The following RAD9B variants were observed in gnomAD, a reference collection of about 807,000 sequenced individuals.
RAD9B encodes the protein cell cycle checkpoint control protein RAD9B.
In RAD9B, 41 loss-of-function variants were observed where a neutral mutation model predicts 48.3. The ratio of observed to expected loss-of-function variants is 0.85; its 90% CI spans 0.66 to 1.10. The LOEUF is 1.10. Among genes scored for constraint, RAD9B ranks in the 50% least tolerant of loss-of-function variants. RAD9B has a pLI of 0.00. For synonymous variants in RAD9B, 160 were observed against 157.9 expected (o/e 1.01, Z -0.10); for missense variants, 444 against 485.1 (o/e 0.92, Z 0.80).
intron 6 of RAD9B, among the ~76,000 whole-genome samples, chr12:110,518,271 G>C (rs555589467): frequency 1.3e-5 from 2 of 152,120 alleles, no homozygotes; most frequent in East Asian, 1.9e-4. Context: ...GACTGAGGCA[G>C]AGGATCACTT....
At chr12:110,527,259 G>C (rs1181944820) in intron 10 of RAD9B, among the ~76,000 whole-genome samples, 1 of 152,160 alleles carries the variant, frequency 6.6e-6, no homozygotes, top group African/African-American at 2.4e-5. Context: ...TAAGTCTTCT[G>C]TCTCCCTCTT....
intron 10 of RAD9B, among the ~76,000 whole-genome samples, chr12:110,525,765 A>T (rs989019829): frequency 6.6e-6 from 1 of 152,110 alleles, no homozygotes; most frequent in South Asian, 2.1e-4. Flanking sequence ...ATCTTGGCTC[A>T]CTGCAACCTC....
intron 8 of RAD9B, among the ~76,000 whole-genome samples, chr12:110,519,304 A>G (rs1287864075): frequency 6.6e-6 from 1 of 152,002 alleles, no homozygotes; most frequent in African/African-American, 2.4e-5. Flanking sequence ...GGGTTTCACC[A>G]TGTTGGCCAG....
At chr12:110,506,841 T>C (rs1192105788) in intron 4 of RAD9B, 148 bp downstream of exon 4, 2 of 474,246 alleles carry the variant, frequency 4.2e-6, no homozygotes, top group Non-Finnish European at 7.5e-6. Context: ...TGAAGTATTA[T>C]CCTTTTTTTT....
chr12:110,512,825 G>A lies in RAD9B; in HGVS notation c.435G>A (p.Leu145=). 6.5e-7 allele frequency: 1 copy of A among 1,538,092 alleles called. No homozygotes were observed. Among genetic ancestry groups the A allele is most frequent in the East Asian group, 2.3e-5 (1 of 43,562 alleles). The part of the protein sequence containing the change: ...HNICFQESQP[L]QVIFDKNVCT... ...TATGTTTTCAAGAAAGTCAGCCTTT[G>A]CAAGTTATTTTTGACAAGAATGTTT... Residue 145 remains leucine (L), a synonymous_variant, in exon 5 of 11, where the codon TTG becomes TTA. Transcript: ENST00000409300.
chr12:110,530,611 C>T lies in RAD9B; in HGVS notation c.1212C>T (p.Asp404=). ...TCGACAGTCTGGCAAGAGCAAGTGA[C>T]AGTGAAGAGGACATGAATAATGGCA... The part of the protein sequence containing the change: ...HPFDSLARAS[D]SEEDMNNGSF... The change falls in exon 11 of 11, where the codon GAC becomes GAT. Residue 404 remains aspartate, a synonymous_variant. Transcript: ENST00000409300. 1 of 1,613,930 alleles carries T rather than the reference C, an allele frequency of 6.2e-7. No homozygotes were observed. Among genetic ancestry groups the T allele is most frequent in the Non-Finnish European group, 8.5e-7 (1 of 1,179,830 alleles).
rs2064124480 is a variant in RAD9B at position 110,531,120 on chromosome 12, ATTGT to A, written c.*470_*473del. ...TGTAATACCATGGCCTTTTTTGTGC[ATTGT>A]TTTTTATATTTTAAGACTTTAAGTA... On this transcript the variant is annotated 3_prime_UTR_variant, in exon 11 of 11. Coordinates refer to ENST00000409300, the MANE Select transcript of RAD9B (RefSeq NM_001286535.2). 1.0e-6 allele frequency: 1 copy of A among 992,450 alleles called. No homozygotes were observed. Among genetic ancestry groups the A allele is most frequent in the African/African-American group, 1.7e-5 (1 of 57,248 alleles). The allele number at this position is 992,450 out of a possible 1,614,324, so 61.5% of individuals were successfully genotyped here. A position where few individuals can be genotyped will look rare whatever the true frequency, so the allele number is the denominator to read the frequency against.
chr12:110,512,614 C>T (rs2063492699), intron 4 of RAD9B, among the ~76,000 whole-genome samples, 165 bp from the exon 5 acceptor site: 1 of 152,112 alleles, frequency 6.6e-6, no homozygotes, highest in African/African-American at 2.4e-5. Context: ...CACTAGGGAG[C>T]GATAAACACA....
At chr12:110,521,639 C>T (rs1310341826) in intron 9 of RAD9B, among the ~76,000 whole-genome samples, 1 of 150,796 alleles carries the variant, frequency 6.6e-6, no homozygotes, top group Non-Finnish European at 1.5e-5. Flanking sequence ...TCATTGCAAC[C>T]TCCGCCTCCT....
In RAD9B at chr12:110,505,672, C is replaced by G. The variant is rs2063241735; in HGVS notation, c.173C>G (p.Ser58Cys). Reference sequence around the variant, plus strand: ...TCAGCATATGGATGTGTCCTGTTCTCTCCTGTGTTTTTTCAGCATTATCAA... The same window carrying G: ...TCAGCATATGGATGTGTCCTGTTCTGTCCTGTGTTTTTTCAGCATTATCAA... Reference protein sequence around the residue: ...SRSAYGCVLFSPVFFQHYQWS... With the variant: ...SRSAYGCVLFCPVFFQHYQWS... The change falls in exon 3 of 11, where the codon TCT becomes TGT. Residue 58 changes from serine (S) to cysteine (C), a missense_variant. By Grantham distance (112) the Ser-to-Cys change is moderately radical (BLOSUM62 -1). Transcript: ENST00000409300. 3 of 1,588,386 alleles carry G rather than the reference C, an allele frequency of 1.9e-6. No homozygotes were observed. Among genetic ancestry groups the G allele is most frequent in the Non-Finnish European group, 2.6e-6 (3 of 1,166,410 alleles).
intron 6 of RAD9B, among the ~76,000 whole-genome samples, chr12:110,518,248 C>T (rs1277095294): frequency 2.0e-5 from 3 of 150,638 alleles, no homozygotes; most frequent in Non-Finnish European, 4.4e-5. Context: ...CCTGTAGTCC[C>T]GGCTATTCAG....
At position 110,502,491 on chromosome 12, in the gene RAD9B, T is replaced by C; in HGVS notation, c.46+108T>C. ...CCTCTTTGCCTTTTTGCGCAATGAC[T>C]GAGGACGCACGCCCTGGCCACAGCC... is the stretch of plus-strand genomic sequence containing the variant. On this transcript the variant is annotated intron_variant, in intron 1 of 10. Transcript: ENST00000409300. 3 of 1,302,104 alleles carry C rather than the reference T, an allele frequency of 2.3e-6. No individual in the cohort carries two copies. The South Asian group carries it at 3.9e-5, about 17-fold the overall frequency. 80.7% of individuals were successfully genotyped at this position (1,302,104 alleles called of 1,614,324 possible).
intron 6 of RAD9B, among the ~76,000 whole-genome samples, chr12:110,515,498 T>G (rs1454292046): frequency 1.3e-5 from 2 of 151,938 alleles, no homozygotes; most frequent in Non-Finnish European, 2.9e-5. Context: ...CCATCTCTAC[T>G]AAAAATAAAA....
At chr12:110,518,237 G>T (rs1004634227) in intron 6 of RAD9B, among the ~76,000 whole-genome samples, 2 of 151,070 alleles carry the variant, frequency 1.3e-5, no homozygotes, top group African/African-American at 4.9e-5. Context: ...AGTGGCAGAT[G>T]CCTGTAGTCC....
intron 9 of RAD9B, among the ~76,000 whole-genome samples, chr12:110,520,194 T>TTTG (rs60595280): frequency 0.14 from 20,696 of 151,686 alleles, 1,868 homozygotes; most frequent in African/African-American, 0.26. Context: ...ATTTTTAGTT[T>TTTG]TTGTTGTTGT....
Position 110,530,661 on chromosome 12 carries a change from T to C in RAD9B, c.*8T>C, listed in dbSNP as rs765218997. 8 of 1,613,724 alleles carry C rather than the reference T, an allele frequency of 5.0e-6. No individual in the cohort carries two copies. The highest frequency in any genetic ancestry group is 6.8e-6 in the Non-Finnish European group (8 of 1,179,700). Reference sequence around the variant, plus strand: ...AGTTTCTCTATATTCTAATGCTTAATGATGGCTGAGCTGGGCCCCAGCCCA... The same window carrying C: ...AGTTTCTCTATATTCTAATGCTTAACGATGGCTGAGCTGGGCCCCAGCCCA... On this transcript the variant is annotated 3_prime_UTR_variant, in exon 11 of 11. Coordinates refer to ENST00000409300, the MANE Select transcript of RAD9B (RefSeq NM_001286535.2).
chr12:110,526,512 G>A (rs566781516), intron 10 of RAD9B, among the ~76,000 whole-genome samples: 5 of 152,294 alleles, frequency 3.3e-5, no homozygotes, highest in South Asian at 4.1e-4. Flanking sequence ...CTATTTGCAC[G>A]TGATGATATA....
In RAD9B at chr12:110,512,805, T is replaced by G; in HGVS notation, c.415T>G (p.Phe139Val). The G allele has an allele frequency of 1.4e-6, 2 of 1,471,610 alleles. No individual in the cohort carries two copies. The highest frequency in any genetic ancestry group is 1.9e-6 in the Non-Finnish European group (2 of 1,072,018). 91.2% of individuals were successfully genotyped at this position (1,471,610 alleles called of 1,614,324 possible). A position where few individuals can be genotyped will look rare whatever the true frequency, so the allele number is the denominator to read the frequency against. ...HGIKRTHNIC[F>V]QESQPLQVIF... ...TATTAAAAGAACTCATAATATATGT[T>G]TTCAAGAAAGTCAGCCTTTGCAAGT... Residue 139 changes from phenylalanine (F) to valine (V), a missense_variant, in exon 5 of 11, where the codon TTT (phenylalanine) becomes GTT (valine). Physicochemically the swap from Phe to Val is conservative, Grantham distance 50 (BLOSUM62 -1). Coordinates refer to ENST00000409300, the MANE Select transcript of RAD9B (RefSeq NM_001286535.2).
chr12:110,531,410 T>C lies in RAD9B; in HGVS notation c.*757T>C. ...TTTCGCCATGTTGGCCAGGGTGGTC[T>C]TGAACTCCTGGCCTCAAGTGATCTG... On this transcript the variant is annotated 3_prime_UTR_variant, in exon 11 of 11. Transcript: ENST00000409300. 1 of 547,816 alleles carries C rather than the reference T, an allele frequency of 1.8e-6. No individual in the cohort carries two copies. Among genetic ancestry groups the C allele is most frequent in the Non-Finnish European group, 3.1e-6 (1 of 319,344 alleles). 33.9% of individuals were successfully genotyped at this position (547,816 alleles called of 1,614,324 possible).
Sources: allele counts gnomAD v4.1 joint callset (sites outside exome capture counted in the v4.1 genomes callset), GRCh38; gene constraint gnomAD v4.1.1; transcripts MANE v1.5; gene names NCBI Gene and HGNC (gene_info 2026-07-23, HGNC 2026-07-21).